PMFBP1: variants seen among roughly 807,000 people sequenced by gnomAD.
PMFBP1 encodes polyamine-modulated factor 1-binding protein 1.
PMFBP1 carries 131 observed loss-of-function variants against 137.8 expected under a neutral mutation model. The ratio of observed to expected loss-of-function variants is 0.95; its 90% CI spans 0.82 to 1.10. PMFBP1 has a LOEUF of 1.10. Ranked by LOEUF, PMFBP1 falls within the 50% of genes least tolerant of loss-of-function variation. PMFBP1 has a pLI of 0.00. For synonymous variants in PMFBP1, 490 were observed against 450.4 expected (o/e 1.09, Z -1.11); for missense variants, 1,199 against 1,175.4 (o/e 1.02, Z -0.29).
the PMFBP1 span, among the ~76,000 whole-genome samples, chr16:72,213,365 T>C: frequency 6.6e-6 from 1 of 152,204 alleles, no homozygotes; most frequent in Non-Finnish European, 1.5e-5. Flanking sequence ...CCTTCCAATA[T>C]GAGGATTTAA....
Position 72,152,379 on chromosome 16 carries a change from C to T in PMFBP1, c.415-1550G>A, listed in dbSNP as rs1440039752. ...GGGCAGCAATGCACCTCCTAAAACA[C>T]CACATTTCCTAGGCTTCCTAGAAAC... On this transcript the variant is annotated intron_variant, in intron 4 of 20. Coordinates refer to ENST00000237353, the MANE Select transcript of PMFBP1 (RefSeq NM_031293.3). 2.6e-5 allele frequency among the ~76,000 whole-genome samples: 4 copies of T among 152,276 alleles called. No homozygotes were observed. In the South Asian group the frequency reaches 8.3e-4, roughly 32 times the overall value.
chr16:72,216,954 G>C, the PMFBP1 span, among the ~76,000 whole-genome samples: 1 of 152,224 alleles, frequency 6.6e-6, no homozygotes, highest in Non-Finnish European at 1.5e-5. Flanking sequence ...GCCAAGAAGA[G>C]TCACATGATA....
At position 72,124,823 on chromosome 16, in the gene PMFBP1, C is replaced by T. The variant is rs1474370762; in HGVS notation, c.2533G>A (p.Glu845Lys). 1 of 1,614,086 alleles carries T rather than the reference C, an allele frequency of 6.2e-7. No individual in the cohort carries two copies. Among genetic ancestry groups the T allele is most frequent in the Non-Finnish European group, 8.5e-7 (1 of 1,180,026 alleles). ...MLAAKEEQLR[E>K]FQEEMAALKE... is the part of the protein sequence containing the mutation. Reference sequence around the variant, plus strand: ...AAGGCGGCCATCTCCTCCTGGAACTCCCTGAGCTGCTCCTCTTTGGCTGCC... The same window carrying T: ...AAGGCGGCCATCTCCTCCTGGAACTTCCTGAGCTGCTCCTCTTTGGCTGCC... Residue 845 changes from glutamate to lysine, a missense_variant, in exon 17 of 21, where the codon GAG (glutamate) becomes AAG (lysine). Transcript: ENST00000237353.
the PMFBP1 span, among the ~76,000 whole-genome samples, chr16:72,210,386 T>G: frequency 6.6e-6 from 1 of 152,194 alleles, no homozygotes; most frequent in African/African-American, 2.4e-5. Context: ...GTACAGCTAA[T>G]TTTTAGACTT....
At chr16:72,196,126 G>A in the PMFBP1 span, among the ~76,000 whole-genome samples, 1 of 152,044 alleles carries the variant, frequency 6.6e-6, no homozygotes, top group Non-Finnish European at 1.5e-5. Flanking sequence ...ATTTCTGCAG[G>A]TGCCCCTGAG....
At chr16:72,192,555 G>C in the PMFBP1 span, among the ~76,000 whole-genome samples, 1 of 152,096 alleles carries the variant, frequency 6.6e-6, no homozygotes, top group Non-Finnish European at 1.5e-5. Context: ...TATTCTAAGG[G>C]AAGAATAGAA....
At position 72,171,178 on chromosome 16, in the gene PMFBP1, G is replaced by C. The variant is rs1410926196; in HGVS notation, c.12+19C>G. The stretch of plus-strand genomic sequence containing the variant: ...ATGAATATTCAACTCCATGCATGTA[G>C]AGGAGTTAGGAGCCTTACCTCATCT... On this transcript the variant is annotated intron_variant, in intron 2 of 20. Transcript: ENST00000237353. 2.5e-6 allele frequency: 4 copies of C among 1,611,378 alleles called. No individual in the cohort carries two copies. In the Admixed American group the frequency reaches 5.0e-5, roughly 20 times the overall value.
At chr16:72,248,941 A>G in the PMFBP1 span, among the ~76,000 whole-genome samples, 1 of 152,192 alleles carries the variant, frequency 6.6e-6, no homozygotes, top group African/African-American at 2.4e-5. Context: ...ATTTAGGTCA[A>G]TTACCTTTTG....
upstream of PMFBP1, among the ~76,000 whole-genome samples, chr16:72,174,703 GGAGA>G (rs1201514942): frequency 2.0e-5 from 3 of 152,206 alleles, no homozygotes; most frequent in Non-Finnish European, 2.9e-5. Flanking sequence ...CAAGGTGGCA[GGAGA>G]GAGAATGAGT....
chr16:72,180,485 T>C (rs565425149), upstream of PMFBP1, among the ~76,000 whole-genome samples: 2 of 152,318 alleles, frequency 1.3e-5, no homozygotes, highest in East Asian at 1.9e-4. Context: ...CCACATTGAC[T>C]GAAGCCGCAG....
At chr16:72,135,891 A>G (rs891217325) in intron 9 of PMFBP1, among the ~76,000 whole-genome samples, 6 of 150,974 alleles carry the variant, frequency 4.0e-5, no homozygotes, top group Admixed American at 1.3e-4. Context: ...AGTAGCTGGG[A>G]CTACAGGCGC....
rs752009056 is a variant in PMFBP1 at position 72,136,726 on chromosome 16, C to A, written c.1012G>T (p.Ala338Ser). Residue 338 changes from alanine (A) to serine (S), a missense_variant, in exon 8 of 21, where the codon GCC becomes TCC. By Grantham distance (99) the Ala-to-Ser change is moderately conservative. Transcript: ENST00000237353. ...LVKDLRVELE[A>S]VSEQKRNIMK... is the part of the protein sequence containing the mutation. ...ATGTTTCTCTTCTGTTCCGACACGGCCTCTAGTTCCACGCGCAGATCCTTC... is the reference window on the plus strand; with the variant it reads ...ATGTTTCTCTTCTGTTCCGACACGGACTCTAGTTCCACGCGCAGATCCTTC... The A allele has an allele frequency of 3.1e-6, 5 of 1,614,184 alleles. No individual in the cohort carries two copies. The highest frequency in any genetic ancestry group is 4.5e-5 in the East Asian group (2 of 44,878).
the PMFBP1 span, among the ~76,000 whole-genome samples, chr16:72,236,546 GATC>G: frequency 6.6e-6 from 1 of 152,138 alleles, no homozygotes; most frequent in East Asian, 1.9e-4. Flanking sequence ...CCCAAGACAT[GATC>G]AAGATTAAGG....
upstream of PMFBP1, among the ~76,000 whole-genome samples, chr16:72,180,142 T>C (rs966053354): frequency 2.0e-5 from 3 of 152,186 alleles, no homozygotes; most frequent in Non-Finnish European, 2.9e-5. Context: ...GGCTGAAATG[T>C]AGCTTTGCTA....
intron 5 of PMFBP1, among the ~76,000 whole-genome samples, chr16:72,142,054 C>T (rs2042731841): frequency 6.6e-6 from 1 of 151,040 alleles, no homozygotes; most frequent in Non-Finnish European, 1.5e-5. Flanking sequence ...GGTGGTAGAT[C>T]CTTTCCCCAT....
the PMFBP1 span, among the ~76,000 whole-genome samples, chr16:72,196,200 C>T: frequency 1.3e-5 from 2 of 152,160 alleles, no homozygotes; most frequent in Non-Finnish European, 2.9e-5. Context: ...ACCCCTCCTC[C>T]TGCTCCCAGA....
In PMFBP1 at chr16:72,127,803, T is replaced by A. The variant is rs186889757; in HGVS notation, c.2088+854A>T. 5.3e-5 allele frequency among the ~76,000 whole-genome samples: 8 copies of A among 152,316 alleles called. No individual in the cohort carries two copies. The East Asian group carries it at 1.5e-3, about 29-fold the overall frequency. ...ATTCCATCAGCTCAGACATACAACT[T>A]TTCCATCATCACAGAAAGGCAGCAA... On this transcript the variant is annotated intron_variant, in intron 14 of 20. Coordinates refer to ENST00000237353, the MANE Select transcript of PMFBP1 (RefSeq NM_031293.3).
At chr16:72,182,564 T>G in the PMFBP1 span, among the ~76,000 whole-genome samples, 1 of 151,472 alleles carries the variant, frequency 6.6e-6, no homozygotes, top group Non-Finnish European at 1.5e-5. Flanking sequence ...CAGTGATTAT[T>G]TCCAAAGATG....
At chr16:72,169,344 T>C (rs999362974) in intron 2 of PMFBP1, among the ~76,000 whole-genome samples, 1 of 152,230 alleles carries the variant, frequency 6.6e-6, no homozygotes, top group Admixed American at 6.5e-5. Flanking sequence ...GAGTTTACAG[T>C]TATCTACAGT....
Sources: allele counts gnomAD v4.1 joint callset (sites outside exome capture counted in the v4.1 genomes callset), GRCh38; gene constraint gnomAD v4.1.1; transcripts MANE v1.5; gene names NCBI Gene and HGNC (gene_info 2026-07-23, HGNC 2026-07-21).